Variants in SYT1 observed in about 807,000 individuals in gnomAD.
SYT1 encodes the protein synaptotagmin-1.
In SYT1, 8 loss-of-function variants were observed where a neutral mutation model predicts 44.8. The ratio of observed to expected loss-of-function variants is 0.18; its 90% CI spans 0.10 to 0.32. The LOEUF is 0.32. SYT1 is among the 10% of genes least tolerant of loss of function. The probability of loss-of-function intolerance (pLI) is 1.00; values close to 1 mark genes in which losing one functional copy is unlikely to be tolerated. For synonymous variants in SYT1, 154 were observed against 188.8 expected (o/e 0.82, Z 1.51); for missense variants, 286 against 509.3 (o/e 0.56, Z 4.22).
intron 3 of SYT1, among the ~76,000 whole-genome samples, chr12:79,146,302 A>G (rs1869909989): frequency 6.6e-6 from 1 of 152,182 alleles, no homozygotes; most frequent in South Asian, 2.1e-4. Context: ...GACAATGTCA[A>G]TTAATGTTGT....
chr12:79,019,132 G>T (rs1020137994), intron 2 of SYT1, among the ~76,000 whole-genome samples: 1 of 151,804 alleles, frequency 6.6e-6, no homozygotes, highest in Non-Finnish European at 1.5e-5. Context: ...TTGAAGTGTT[G>T]TCCTGTATCA....
At chr12:78,870,641 C>T (rs1289486216) in intron 1 of SYT1, among the ~76,000 whole-genome samples, 3 of 152,052 alleles carry the variant, frequency 2.0e-5, no homozygotes, top group Non-Finnish European at 2.9e-5. Context: ...GCCATCATTT[C>T]AGTCCCTTGA....
At chr12:78,989,300 C>T (rs1378623289) in intron 2 of SYT1, among the ~76,000 whole-genome samples, 2 of 152,090 alleles carry the variant, frequency 1.3e-5, no homozygotes, top group Admixed American at 1.3e-4. Flanking sequence ...AAGTAAGATA[C>T]TCTCAATAGC....
At chr12:79,073,273 T>G (rs974099904) in intron 3 of SYT1, among the ~76,000 whole-genome samples, 2 of 152,112 alleles carry the variant, frequency 1.3e-5, no homozygotes, top group African/African-American at 4.8e-5. Context: ...GGATAGGATA[T>G]AATTAACTAA....
intron 5 of SYT1, 125 bp from the exon 6 acceptor site, chr12:79,291,879 TCAGA>T: frequency 4.4e-6 from 5 of 1,133,564 alleles, no homozygotes; most frequent in Non-Finnish European, 6.6e-6. Context: ...TGAATGTGTG[TCAGA>T]CAAACAGATT....
intron 9 of SYT1, among the ~76,000 whole-genome samples, chr12:79,383,271 A>G (rs1471167057): frequency 6.6e-6 from 1 of 152,240 alleles, no homozygotes; most frequent in East Asian, 1.9e-4. Context: ...TGTACTGAAT[A>G]TTGTAAGCAG....
At chr12:78,973,329 G>A (rs1868509685) in intron 1 of SYT1, among the ~76,000 whole-genome samples, 1 of 151,990 alleles carries the variant, frequency 6.6e-6, no homozygotes, top group African/African-American at 2.4e-5. Context: ...TCACCATGTT[G>A]TACAGTAGAT....
At chr12:79,130,504 T>C (rs1374176549) in intron 3 of SYT1, among the ~76,000 whole-genome samples, 1 of 152,212 alleles carries the variant, frequency 6.6e-6, no homozygotes, top group African/African-American at 2.4e-5. Context: ...TGATTCCAGA[T>C]AATATATTCA....
rs144810988 is a variant in SYT1 at position 79,220,375 on chromosome 12, G to T, written c.166+2690G>T. On this transcript the variant is annotated intron_variant, in intron 4 of 10. Coordinates refer to ENST00000261205, the MANE Select transcript of SYT1 (RefSeq NM_005639.3). ...TAACTTTCAAAAATGCAGTTTTGTT[G>T]ATCTTTTCTGTTGTTTCTGTAGTCT... Among the ~76,000 whole-genome samples, 1,268 of 151,830 alleles carry T rather than the reference G, an allele frequency of 8.4e-3. 5 individuals carry two copies. The highest frequency in any genetic ancestry group is 0.012 in the Non-Finnish European group (847 of 67,806).
chr12:79,376,729 A>G (rs550285925), intron 9 of SYT1, among the ~76,000 whole-genome samples: 5 of 152,336 alleles, frequency 3.3e-5, no homozygotes, highest in African/African-American at 1.2e-4. Context: ...TGAGCTGGAA[A>G]TGAAGCAAAA....
At chr12:78,906,851 T>G (rs1165807784) in intron 1 of SYT1, among the ~76,000 whole-genome samples, 1 of 152,094 alleles carries the variant, frequency 6.6e-6, no homozygotes, top group Non-Finnish European at 1.5e-5. Flanking sequence ...ACCAAAACAT[T>G]TATTTTAGTG....
intron 1 of SYT1, among the ~76,000 whole-genome samples, chr12:78,911,830 C>T (rs1397625262): frequency 2.0e-5 from 3 of 151,924 alleles, no homozygotes; most frequent in African/African-American, 7.2e-5. Flanking sequence ...ATTTCTTTCA[C>T]TTTATTCTAA....
intron 3 of SYT1, among the ~76,000 whole-genome samples, chr12:79,163,500 C>T (rs994971504): frequency 1.3e-5 from 2 of 152,036 alleles, no homozygotes; most frequent in African/African-American, 4.8e-5. Flanking sequence ...AAGTCGTCTC[C>T]TATATTCCTT....
rs539851795 is a variant in SYT1 at position 79,107,844 on chromosome 12, T to C, written c.-18+60482T>C. On this transcript the variant is annotated intron_variant, in intron 3 of 10. Transcript: ENST00000261205. Reference sequence around the variant, plus strand: ...GCTAAAACATACCCAGAAACAATCCTAACAAATCTGTGGGAACTTTACCAA... The same window carrying C: ...GCTAAAACATACCCAGAAACAATCCCAACAAATCTGTGGGAACTTTACCAA... Among the ~76,000 whole-genome samples the C allele has an allele frequency of 7.9e-5, 12 of 152,036 alleles. No individual in the cohort carries two copies. In the South Asian group the frequency reaches 2.5e-3, roughly 32 times the overall value.
At chr12:79,233,534 C>T (rs902384147) in intron 4 of SYT1, among the ~76,000 whole-genome samples, 3 of 152,212 alleles carry the variant, frequency 2.0e-5, no homozygotes, top group African/African-American at 4.8e-5. Flanking sequence ...TCACCACAAC[C>T]GTGGATATCA....
chr12:79,357,194 C>T (rs552037446), intron 9 of SYT1, among the ~76,000 whole-genome samples: 49 of 152,314 alleles, frequency 3.2e-4, no homozygotes, highest in Middle Eastern at 3.4e-3. Flanking sequence ...TATTGTATAT[C>T]CACATGCAAA....
intron 8 of SYT1, among the ~76,000 whole-genome samples, chr12:79,304,589 C>G (rs1372846730): frequency 3.9e-5 from 6 of 152,086 alleles, no homozygotes; most frequent in African/African-American, 1.4e-4. Flanking sequence ...CATCCTGTTT[C>G]CATAATGCAC....
At chr12:79,074,244 A>AT (rs1327293281) in intron 3 of SYT1, among the ~76,000 whole-genome samples, 1 of 152,156 alleles carries the variant, frequency 6.6e-6, no homozygotes, top group East Asian at 1.9e-4. Flanking sequence ...TCTATTTAAC[A>AT]TTCTATCACA....
intron 5 of SYT1, among the ~76,000 whole-genome samples, chr12:79,290,307 C>T (rs556051482): frequency 2.6e-5 from 4 of 152,202 alleles, no homozygotes; most frequent in Admixed American, 1.3e-4. Context: ...TTGGAGTTAA[C>T]CGGGTGAAGC....
Sources: allele counts gnomAD v4.1 joint callset (sites outside exome capture counted in the v4.1 genomes callset), GRCh38; gene constraint gnomAD v4.1.1; transcripts MANE v1.5; gene names NCBI Gene and HGNC (gene_info 2026-07-23, HGNC 2026-07-21).